Variants in AGBL4 observed in about 807,000 individuals in gnomAD.
The protein encoded by AGBL4 is AGBL carboxypeptidase 4.
A neutral mutation model predicts 66.4 loss-of-function variants in AGBL4; 58 were observed. That is an observed-to-expected ratio of 0.87 (90% CI 0.71 to 1.09). AGBL4 has a LOEUF of 1.09. Ranked by LOEUF, AGBL4 falls within the 50% of genes least tolerant of loss-of-function variation. The pLI, the probability that AGBL4 is intolerant of heterozygous loss-of-function variation, is 0.00. For synonymous variants in AGBL4, 234 were observed against 222.9 expected, an observed-to-expected ratio of 1.05 and a Z score of -0.44; for missense variants, 579 against 631.0, an observed-to-expected ratio of 0.92 and a Z score of 0.88.
intron 6 of AGBL4, among the ~76,000 whole-genome samples, chr1:48,753,132 A>C (rs1346085715): frequency 1.3e-5 from 2 of 152,226 alleles, no homozygotes; most frequent in African/African-American, 4.8e-5. Context: ...GAGGAAGTTA[A>C]GTAACTTGCC....
chr1:49,075,896 C>A (rs1400266587), intron 4 of AGBL4, among the ~76,000 whole-genome samples: 1 of 152,130 alleles, frequency 6.6e-6, no homozygotes, highest in Non-Finnish European at 1.5e-5. Flanking sequence ...GAAAGTAGAT[C>A]TTATATGCTC....
At position 48,539,682 on chromosome 1, in the gene AGBL4, G is replaced by T. The variant is rs1313794111; in HGVS notation, c.1324C>A (p.Pro442Thr). The stretch of plus-strand genomic sequence containing the variant: ...GGAATTGCCACCTTTTCAACCACGG[G>T]GTTCAGCCGATAATAGTCCAAAAAG... ...RTFLDYYRLN[P>T]VVEKVAIPMP... Residue 442 changes from proline (P) to threonine (T), a missense_variant, in exon 12 of 14, where the codon CCC becomes ACC. By Grantham distance (38) the Pro-to-Thr change is conservative (BLOSUM62 -1). Coordinates refer to ENST00000371839, the MANE Select transcript of AGBL4 (RefSeq NM_032785.4). 6.5e-7 allele frequency: 1 copy of T among 1,542,978 alleles called. No homozygotes were observed. Among genetic ancestry groups the T allele is most frequent in the Admixed American group, 2.0e-5 (1 of 50,492 alleles).
chr1:49,797,873 C>G (rs1434355735), intron 2 of AGBL4, among the ~76,000 whole-genome samples: 1 of 152,052 alleles, frequency 6.6e-6, no homozygotes, highest in Non-Finnish European at 1.5e-5. Flanking sequence ...AAGCGATTCT[C>G]TTGTCTCAGC....
At chr1:48,870,717 T>C (rs1232816902) in intron 5 of AGBL4, among the ~76,000 whole-genome samples, 2 of 152,188 alleles carry the variant, frequency 1.3e-5, no homozygotes, top group Admixed American at 1.3e-4. Flanking sequence ...CTACTGTCTG[T>C]ACCACCTCTG....
chr1:48,875,656 C>A (rs10158795), intron 5 of AGBL4, among the ~76,000 whole-genome samples: 55,495 of 151,952 alleles, frequency 0.37, 10,608 homozygotes, highest in East Asian at 0.7. Context: ...CTCTGGCGGC[C>A]GGCACAAAAG....
chr1:49,768,815 A>C (rs1252728436), intron 2 of AGBL4, among the ~76,000 whole-genome samples: 62 of 152,208 alleles, frequency 4.1e-4, no homozygotes, highest in Non-Finnish European at 2.9e-5. Flanking sequence ...AAGGAATATC[A>C]GTAGTTTTAG....
intron 3 of AGBL4, among the ~76,000 whole-genome samples, chr1:49,408,648 T>C (rs1017604567): frequency 2.6e-5 from 4 of 152,208 alleles, no homozygotes; most frequent in African/African-American, 9.7e-5. Flanking sequence ...CTTTCTTCCA[T>C]GCTGGATGCT....
intron 1 of AGBL4, among the ~76,000 whole-genome samples, chr1:49,932,268 T>A (rs951652340): frequency 6.6e-6 from 1 of 152,098 alleles, no homozygotes; most frequent in Non-Finnish European, 1.5e-5. Context: ...TAATAGTCAT[T>A]TTAAAAATTA....
rs577690640 is a variant in AGBL4, at chr1:49,556,761, C to G, written c.282+140552G>C. Among the ~76,000 whole-genome samples, 7 of 152,034 alleles carry G rather than the reference C, an allele frequency of 4.6e-5. No individual in the cohort carries two copies. The South Asian group carries it at 1.5e-3, about 32-fold the overall frequency. On this transcript the variant is annotated intron_variant, in intron 3 of 13. Transcript: ENST00000371839. ...GGACCTGGGGCCTCGGAGCAGGGGG[C>G]GAGGTCCGTCGGGAAGGCTCGTGCG... is the stretch of plus-strand genomic sequence containing the variant.
intron 5 of AGBL4, among the ~76,000 whole-genome samples, chr1:48,981,594 AGT>A (rs987598788): frequency 6.6e-6 from 1 of 152,178 alleles, no homozygotes; most frequent in Non-Finnish European, 1.5e-5. Context: ...AATAATAAAA[AGT>A]GTGTGTGGCC....
chr1:49,344,143 T>C (rs578013870), intron 3 of AGBL4, among the ~76,000 whole-genome samples: 1 of 152,282 alleles, frequency 6.6e-6, no homozygotes, highest in South Asian at 2.1e-4. Flanking sequence ...GTCCTAGGCT[T>C]CACACCTGAT....
intron 3 of AGBL4, among the ~76,000 whole-genome samples, chr1:49,262,350 C>T (rs1390078472): frequency 6.6e-6 from 1 of 152,088 alleles, no homozygotes; most frequent in Non-Finnish European, 1.5e-5. Flanking sequence ...AAAGAAACTA[C>T]CTTCACAGTG....
At chr1:49,476,892 T>C (rs1195950020) in intron 3 of AGBL4, among the ~76,000 whole-genome samples, 1 of 152,008 alleles carries the variant, frequency 6.6e-6, no homozygotes, top group East Asian at 1.9e-4. Context: ...TGAAGAGCCC[T>C]TGGGCCTGAA....
the AGBL4 span, among the ~76,000 whole-genome samples, chr1:48,526,683 G>T: frequency 6.6e-6 from 1 of 152,170 alleles, no homozygotes; most frequent in Non-Finnish European, 1.5e-5. Context: ...AATAACAGTA[G>T]AAGTAGATTA....
chr1:48,941,867 A>G (rs1004949311), intron 5 of AGBL4, among the ~76,000 whole-genome samples: 3 of 152,228 alleles, frequency 2.0e-5, no homozygotes, highest in African/African-American at 7.2e-5. Flanking sequence ...GTGATTCTAA[A>G]GAACAAGCTG....
In AGBL4 at chr1:48,556,184, G is replaced by A. The variant is rs1248442826; in HGVS notation, c.1268-16446C>T. ...AAGCAAAGCTGACAATGATCCCACT[G>A]ACAGGATGGGTATGAGGCTGGCCTT... On this transcript the variant is annotated intron_variant, in intron 11 of 13. Transcript: ENST00000371839. Among the ~76,000 whole-genome samples the A allele has an allele frequency of 2.0e-5, 3 of 152,296 alleles. No individual in the cohort carries two copies. In the East Asian group the frequency reaches 5.8e-4, roughly 29 times the overall value.
chr1:49,988,188 T>C (rs12081248), intron 1 of AGBL4, among the ~76,000 whole-genome samples: 14,270 of 152,104 alleles, frequency 0.094, 902 homozygotes, highest in African/African-American at 0.17. Flanking sequence ...TTAAACAGTT[T>C]AGAATTATAA....
At chr1:48,703,904 GCT>G (rs1207629513) in intron 6 of AGBL4, among the ~76,000 whole-genome samples, 3 of 152,232 alleles carry the variant, frequency 2.0e-5, no homozygotes, top group Non-Finnish European at 2.9e-5. Context: ...CCCATGCATT[GCT>G]AAAGGATGGG....
At chr1:49,125,046 CA>C (rs1645737872) in intron 4 of AGBL4, among the ~76,000 whole-genome samples, 1 of 151,930 alleles carries the variant, frequency 6.6e-6, no homozygotes, top group African/African-American at 2.4e-5. Context: ...AACATTTCAC[CA>C]AGTGAATGTG....
Sources: gnomAD v4.1 joint callset for allele counts (sites outside exome capture counted in the v4.1 genomes callset) on GRCh38, gnomAD v4.1.1 for gene constraint, MANE v1.5 for transcripts, NCBI Gene and HGNC (gene_info 2026-07-23, HGNC 2026-07-21) for gene names.